Variants in CACNB4 observed in about 807,000 individuals in gnomAD.
CACNB4 encodes the protein calcium voltage-gated channel auxiliary subunit beta 4.
A neutral mutation model predicts 71.2 loss-of-function variants in CACNB4; 32 were observed. The observed-to-expected ratio is 0.45, with a 90% CI of 0.34 to 0.60. CACNB4 has a LOEUF of 0.60. CACNB4 is among the 20% of genes least tolerant of loss of function. CACNB4 has a pLI of 0.01. For missense variants in CACNB4, 464 were observed against 647.9 expected, an observed-to-expected ratio of 0.72 and a Z score of 3.08; for synonymous variants, 231 against 236.9, an observed-to-expected ratio of 0.97 and a Z score of 0.23.
At chr2:152,035,159 CA>C (rs1205298831) in intron 2 of CACNB4, among the ~76,000 whole-genome samples, 1 of 152,228 alleles carries the variant, frequency 6.6e-6, no homozygotes, top group Non-Finnish European at 1.5e-5. Flanking sequence ...ATGTTACAAG[CA>C]ATAGCCAGAT....
chr2:152,035,751 C>G (rs1357511518), intron 2 of CACNB4, among the ~76,000 whole-genome samples: 1 of 151,802 alleles, frequency 6.6e-6, no homozygotes, highest in African/African-American at 2.4e-5. Flanking sequence ...GATTAACCAA[C>G]AGACACTTCT....
At chr2:151,928,130 C>T (rs2099860706) in intron 2 of CACNB4, among the ~76,000 whole-genome samples, 1 of 152,174 alleles carries the variant, frequency 6.6e-6, no homozygotes, top group Non-Finnish European at 1.5e-5. Flanking sequence ...AACCTGGTTC[C>T]TGGGGCTGCT....
intron 2 of CACNB4, among the ~76,000 whole-genome samples, chr2:151,926,503 C>A (rs1304738192): frequency 6.6e-6 from 1 of 152,078 alleles, no homozygotes; most frequent in Non-Finnish European, 1.5e-5. Context: ...CTATAAAAAG[C>A]AGAGTCTCTA....
intron 2 of CACNB4, among the ~76,000 whole-genome samples, chr2:151,903,900 C>T (rs1578724307): frequency 6.6e-6 from 1 of 152,262 alleles, no homozygotes; most frequent in East Asian, 1.9e-4. Context: ...TCCTCAAGGG[C>T]AGGTAGTGTA....
At position 151,853,515 on chromosome 2, in the gene CACNB4, C is replaced by T. The variant is rs1428565792; in HGVS notation, c.1049G>A (p.Gly350Glu). ...ATTCAAGTGTTTACTTTGTGACTTT[C>T]CTCTAGATTTAATCAACCGCTGTAA... ...KVLQRLIKSR[G>E]KSQSKHLNVQ... Residue 350 changes from glycine (G) to glutamate (E), a missense_variant, in exon 12 of 14, where the codon GGA becomes GAA. Gly to Glu is a moderately conservative substitution (Grantham distance 98, BLOSUM62 -2). This residue lies in a region of CACNB4 where 299 missense variants were observed against 471.7 expected (regional missense o/e 0.63). Coordinates refer to ENST00000539935, the MANE Select transcript of CACNB4 (RefSeq NM_000726.5). 6 of 1,597,886 alleles carry T rather than the reference C, an allele frequency of 3.8e-6. No individual in the cohort carries two copies. The highest frequency in any genetic ancestry group is 2.6e-6 in the Non-Finnish European group (3 of 1,172,658).
intron 2 of CACNB4, among the ~76,000 whole-genome samples, chr2:151,933,565 T>C (rs1000879137): frequency 1.3e-5 from 2 of 152,060 alleles, no homozygotes; most frequent in Non-Finnish European, 2.9e-5. Context: ...ATCACACAAC[T>C]AGAAGCCTGG....
At chr2:152,012,384 G>T (rs866580436) in intron 2 of CACNB4, among the ~76,000 whole-genome samples, 1 of 152,150 alleles carries the variant, frequency 6.6e-6, no homozygotes, top group South Asian at 2.1e-4. Context: ...CAGGTGGAGC[G>T]CCTGAAGTCA....
intron 13 of CACNB4, among the ~76,000 whole-genome samples, chr2:151,840,617 T>C (rs527559340): frequency 6.6e-6 from 1 of 152,338 alleles, no homozygotes; most frequent in South Asian, 2.1e-4. Context: ...GTGCTGTACA[T>C]TACCACAGTA....
At chr2:152,032,981 G>T (rs1684371098) in intron 2 of CACNB4, among the ~76,000 whole-genome samples, 1 of 152,104 alleles carries the variant, frequency 6.6e-6, no homozygotes, top group Admixed American at 6.6e-5. Flanking sequence ...AAATAAAAAG[G>T]TAGAAAAATG....
rs563054634 is a variant in CACNB4 at position 152,066,704 on chromosome 2, T to C, written c.147+31626A>G. On this transcript the variant is annotated intron_variant, in intron 2 of 13. Coordinates refer to ENST00000539935, the MANE Select transcript of CACNB4 (RefSeq NM_000726.5). ...AAAGACACATGCACACGTATGTTTA[T>C]TGTGGCATTATTCGCAATAGCAAAG... Among the ~76,000 whole-genome samples the C allele has an allele frequency of 3.3e-5, 5 of 150,078 alleles. No individual in the cohort carries two copies. In the East Asian group the frequency reaches 7.9e-4, roughly 24 times the overall value.
At chr2:151,935,830 G>T (rs1383591928) in intron 2 of CACNB4, among the ~76,000 whole-genome samples, 3 of 152,210 alleles carry the variant, frequency 2.0e-5, no homozygotes, top group Non-Finnish European at 4.4e-5. Flanking sequence ...TTCAACTGAA[G>T]TATCAACTTT....
intron 2 of CACNB4, among the ~76,000 whole-genome samples, chr2:151,906,232 A>C (rs1334350666): frequency 6.6e-6 from 1 of 152,226 alleles, no homozygotes; most frequent in East Asian, 1.9e-4. Flanking sequence ...ATTTAAAAGA[A>C]GCATCTCACC....
At chr2:152,022,177 C>T (rs1174123145) in intron 2 of CACNB4, among the ~76,000 whole-genome samples, 4 of 152,216 alleles carry the variant, frequency 2.6e-5, no homozygotes, top group Admixed American at 2.6e-4. Context: ...ACCACCTCTG[C>T]ATCATCTTCA....
intron 2 of CACNB4, among the ~76,000 whole-genome samples, chr2:152,011,365 C>T (rs1299560653): frequency 6.6e-6 from 1 of 152,144 alleles, no homozygotes; most frequent in African/African-American, 2.4e-5. Flanking sequence ...GCATGTTTTC[C>T]ACTCTGGGCT....
At chr2:152,085,179 G>A (rs140071811) in intron 2 of CACNB4, among the ~76,000 whole-genome samples, 61 of 152,162 alleles carry the variant, frequency 4.0e-4, no homozygotes, top group African/African-American at 1.3e-3. Flanking sequence ...CAGGGGTTAC[G>A]TCCAAGTCTA....
intron 2 of CACNB4, among the ~76,000 whole-genome samples, chr2:152,022,415 C>T (rs924081078): frequency 6.6e-5 from 10 of 152,178 alleles, no homozygotes; most frequent in African/African-American, 2.2e-4. Flanking sequence ...CTTCAGAGTG[C>T]TTTGCAAAAA....
chr2:152,077,435 C>T (rs1413051475), intron 2 of CACNB4, among the ~76,000 whole-genome samples: 1 of 152,182 alleles, frequency 6.6e-6, no homozygotes, highest in East Asian at 1.9e-4. Context: ...TGCCTGTAAT[C>T]CCAGCTACTC....
rs765387185 is a variant in CACNB4 at position 151,902,795 on chromosome 2, T to TA, written c.148-19426dup. ...TGTGGAATGAGTTGAGGATAGAAAT[T>TA]AAAAAAAAAAAATCCACCTAGTTTT... is the stretch of plus-strand genomic sequence containing the variant. On this transcript the variant is annotated intron_variant, in intron 2 of 13. Transcript: ENST00000539935. Among the ~76,000 whole-genome samples, 319 of 146,130 alleles carry TA rather than the reference T, an allele frequency of 2.2e-3. 2 individuals carry two copies. The highest frequency in any genetic ancestry group is 5.6e-3 in the African/African-American group (224 of 40,166).
At chr2:151,919,044 G>C (rs566001482) in intron 2 of CACNB4, among the ~76,000 whole-genome samples, 1 of 152,272 alleles carries the variant, frequency 6.6e-6, no homozygotes, top group South Asian at 2.1e-4. Context: ...AACCACAGGG[G>C]TAAGTTCTCT....
Sources: gnomAD v4.1 joint callset for allele counts (sites outside exome capture counted in the v4.1 genomes callset) on GRCh38, gnomAD v4.1.1 for gene constraint, gnomAD v4.1.1 regional missense constraint, MANE v1.5 for transcripts, NCBI Gene and HGNC (gene_info 2026-07-23, HGNC 2026-07-21) for gene names.